NR3C2: variants seen among roughly 807,000 people sequenced by gnomAD.
The protein encoded by NR3C2 is nuclear receptor subfamily 3 group C member 2, also known as mineralocorticoid receptor.
A neutral mutation model predicts 86.4 loss-of-function variants in NR3C2; 15 were observed. The ratio of observed to expected loss-of-function variants is 0.17; its 90% confidence interval spans 0.12 to 0.27. The LOEUF is 0.27. Among genes scored for constraint, NR3C2 ranks in the 10% least tolerant of loss-of-function variants. The pLI, the probability that NR3C2 is intolerant of heterozygous loss-of-function variation, is 1.00. For synonymous variants in NR3C2, 458 were observed against 450.5 expected (o/e 1.02, Z -0.21); for missense variants, 960 against 1,195.6 (o/e 0.80, Z 2.91).
At chr4:148,285,396 T>C (rs2149901369) in intron 2 of NR3C2, among the ~76,000 whole-genome samples, 1 of 152,304 alleles carries the variant, frequency 6.6e-6, no homozygotes, top group East Asian at 1.9e-4. Flanking sequence ...GAAAATATAC[T>C]TCTCCTTTTG....
At chr4:148,123,511 C>T (rs1454648873) in intron 6 of NR3C2, among the ~76,000 whole-genome samples, 3 of 152,242 alleles carry the variant, frequency 2.0e-5, no homozygotes, top group Admixed American at 1.3e-4. Context: ...GTTCTTACAC[C>T]CCCTCCCCTT....
intron 2 of NR3C2, among the ~76,000 whole-genome samples, chr4:148,288,069 A>G (rs1741616990): frequency 6.6e-6 from 1 of 152,348 alleles, no homozygotes; most frequent in African/African-American, 2.4e-5. Context: ...CAAACAGCAC[A>G]TAGAAAATTA....
At chr4:148,289,591 T>C (rs1249469063) in intron 2 of NR3C2, among the ~76,000 whole-genome samples, 1 of 152,140 alleles carries the variant, frequency 6.6e-6, no homozygotes, top group African/African-American at 2.4e-5. Context: ...CCTAGTCTGT[T>C]TGGGCCACTA....
chr4:148,267,345 C>T (rs1740449324), intron 2 of NR3C2, among the ~76,000 whole-genome samples: 1 of 150,432 alleles, frequency 6.6e-6, no homozygotes, highest in Non-Finnish European at 1.5e-5. Context: ...AATTAGAACT[C>T]CTGGTTTCCT....
At chr4:148,130,371 A>G (rs1732962549) in intron 6 of NR3C2, among the ~76,000 whole-genome samples, 1 of 152,248 alleles carries the variant, frequency 6.6e-6, no homozygotes. Flanking sequence ...ACATTTTTAA[A>G]CGTAAGATCC....
At chr4:148,144,257 T>C (rs750612173) in intron 6 of NR3C2, among the ~76,000 whole-genome samples, 2 of 152,152 alleles carry the variant, frequency 1.3e-5, no homozygotes, top group Non-Finnish European at 2.9e-5. Context: ...CAGGCTGGGG[T>C]GCAGTGGTGC....
At chr4:148,234,475 T>C (rs1738637443) in intron 3 of NR3C2, among the ~76,000 whole-genome samples, 3 of 151,916 alleles carry the variant, frequency 2.0e-5, no homozygotes, top group South Asian at 2.1e-4. Flanking sequence ...ATTGAGACCA[T>C]CCTGGCTAAC....
intron 2 of NR3C2, among the ~76,000 whole-genome samples, chr4:148,410,208 A>G (rs1330684338): frequency 1.3e-5 from 2 of 152,218 alleles, no homozygotes; most frequent in East Asian, 3.8e-4. Context: ...ATGAAATGTA[A>G]GTTGTAATCA....
At chr4:148,294,042 A>G (rs1394236297) in intron 2 of NR3C2, among the ~76,000 whole-genome samples, 2 of 152,178 alleles carry the variant, frequency 1.3e-5, no homozygotes, top group African/African-American at 4.8e-5. Context: ...CCTATTGGGT[A>G]TCCTCCTAGG....
intron 8 of NR3C2, among the ~76,000 whole-genome samples, chr4:148,082,502 G>C (rs1056977522): frequency 6.6e-6 from 1 of 152,080 alleles, no homozygotes; most frequent in Non-Finnish European, 1.5e-5. Context: ...AGCCATGAGG[G>C]GGACTGTGCT....
In NR3C2 at chr4:148,130,817, TTG is replaced by T. The variant is rs1215911181; in HGVS notation, c.2511-10531_2511-10530del. Reference sequence around the variant, plus strand: ...TTTTTTTGTTTTGTTTTGTTTTGTTTTGTTTTTTTTTTTTTTTTTTTTTTGAG... The same window carrying T: ...TTTTTTTGTTTTGTTTTGTTTTGTTTTTTTTTTTTTTTTTTTTTTTTTGAG... On this transcript the variant is annotated intron_variant, in intron 6 of 8. Coordinates refer to ENST00000358102, the MANE Select transcript of NR3C2 (RefSeq NM_000901.5). 1.1e-3 allele frequency among the ~76,000 whole-genome samples: 75 copies of T among 69,398 alleles called. 2 individuals carry two copies. The highest frequency in any genetic ancestry group is 2.1e-3 in the African/African-American group (46 of 21,724). The allele number at this position is 69,398 out of a possible 152,430, so 45.5% of individuals were successfully genotyped here. A position where few individuals can be genotyped will look rare whatever the true frequency, so the allele number is the denominator to read the frequency against.
intron 3 of NR3C2, among the ~76,000 whole-genome samples, chr4:148,228,684 A>G (rs1229431901): frequency 1.3e-5 from 2 of 152,230 alleles, no homozygotes. Context: ...CAACTGATTC[A>G]TGCATCCAAA....
chr4:148,300,533 G>T (rs1055189474), intron 2 of NR3C2, among the ~76,000 whole-genome samples: 4 of 150,586 alleles, frequency 2.7e-5, no homozygotes, highest in African/African-American at 9.8e-5. Context: ...TTTTTTTGGA[G>T]AAAGGTTTTT....
At chr4:148,094,624 A>G (rs1009408786) in intron 8 of NR3C2, among the ~76,000 whole-genome samples, 5 of 151,966 alleles carry the variant, frequency 3.3e-5, no homozygotes, top group African/African-American at 1.2e-4. Flanking sequence ...CTGAGGTAGG[A>G]GAATCGCTTG....
chr4:148,165,040 A>G (rs1456157256), intron 4 of NR3C2, among the ~76,000 whole-genome samples: 1 of 152,224 alleles, frequency 6.6e-6, no homozygotes, highest in African/African-American at 2.4e-5. Flanking sequence ...CAAAAATAAG[A>G]GCTTACCAAA....
intron 3 of NR3C2, among the ~76,000 whole-genome samples, chr4:148,244,496 C>A (rs1314150478): frequency 6.6e-6 from 1 of 152,124 alleles, no homozygotes; most frequent in African/African-American, 2.4e-5. Flanking sequence ...GCTGTGAGAT[C>A]TTGCCTAAAT....
chr4:148,376,779 A>G (rs1482336740), intron 2 of NR3C2, among the ~76,000 whole-genome samples: 1 of 152,208 alleles, frequency 6.6e-6, no homozygotes, highest in East Asian at 1.9e-4. Flanking sequence ...TTAAAAATAG[A>G]CTAAATAACA....
chr4:148,083,879 C>T (rs1730691713), intron 8 of NR3C2, among the ~76,000 whole-genome samples: 1 of 151,910 alleles, frequency 6.6e-6, no homozygotes, highest in Non-Finnish European at 1.5e-5. Flanking sequence ...GAAGCATACA[C>T]AATTATCAAT....
intron 2 of NR3C2, among the ~76,000 whole-genome samples, chr4:148,428,912 C>T (rs1749674665): frequency 6.6e-6 from 1 of 152,196 alleles, no homozygotes; most frequent in Non-Finnish European, 1.5e-5. Flanking sequence ...TCACTACCTA[C>T]CAAGTTAAGT....
Sources: gnomAD v4.1 joint callset for allele counts (sites outside exome capture counted in the v4.1 genomes callset) on GRCh38, gnomAD v4.1.1 for gene constraint, MANE v1.5 for transcripts, NCBI Gene and HGNC (gene_info 2026-07-23, HGNC 2026-07-21) for gene names.